LOC400499: variants seen among roughly 807,000 people sequenced by gnomAD.
At chr16:11,432,997 C>T in the LOC400499 span, among the ~76,000 whole-genome samples, 1 of 152,126 alleles carries the variant, frequency 6.6e-6, no homozygotes, top group Non-Finnish European at 1.5e-5. Flanking sequence ...AAATCTAGAA[C>T]AAGGGTTGGA....
At chr16:11,464,260 G>A in the LOC400499 span, among the ~76,000 whole-genome samples, 1 of 152,162 alleles carries the variant, frequency 6.6e-6, no homozygotes, top group African/African-American at 2.4e-5. Flanking sequence ...ACAGATGCTC[G>A]CTCTCCACTC....
chr16:11,395,601 G>A, the LOC400499 span, among the ~76,000 whole-genome samples: 1 of 152,230 alleles, frequency 6.6e-6, no homozygotes, highest in Non-Finnish European at 1.5e-5. Context: ...CGGATGCCGG[G>A]AAGGGAGGGA....
At chr16:11,384,734 T>C in the LOC400499 span, among the ~76,000 whole-genome samples, 1 of 152,236 alleles carries the variant, frequency 6.6e-6, no homozygotes, top group Admixed American at 6.5e-5. Context: ...TGAGGCTAGA[T>C]GAGGAGTTGA....
At chr16:11,422,923 T>A in the LOC400499 span, among the ~76,000 whole-genome samples, 1 of 152,110 alleles carries the variant, frequency 6.6e-6, no homozygotes, top group African/African-American at 2.4e-5. Context: ...TCCTGATTGA[T>A]GTTTACCTGT....
chr16:11,512,736 G>A, the LOC400499 span, among the ~76,000 whole-genome samples: 50 of 152,208 alleles, frequency 3.3e-4, no homozygotes, highest in East Asian at 9.3e-3. Context: ...TAATAAAGCT[G>A]TTAAAAAGGA....
the LOC400499 span, among the ~76,000 whole-genome samples, chr16:11,455,784 G>C: frequency 1.3e-5 from 2 of 149,806 alleles, no homozygotes; most frequent in African/African-American, 4.9e-5. Flanking sequence ...AAACAACATA[G>C]GCAGATGTGA....
the LOC400499 span, chr16:11,396,343 A>G: frequency 4.7e-6 from 3 of 632,832 alleles, no homozygotes; most frequent in African/African-American, 5.7e-5. Context: ...CGTTCCCCCG[A>G]CCCAGAATGA....
chr16:11,493,530 G>A, the LOC400499 span: 6 of 389,854 alleles, frequency 1.5e-5, no homozygotes, highest in South Asian at 1.4e-4. Context: ...GCCCACAGTA[G>A]GTGCTCATTA....
chr16:11,410,589 C>G, the LOC400499 span, among the ~76,000 whole-genome samples: 1 of 152,242 alleles, frequency 6.6e-6, no homozygotes, highest in South Asian at 2.1e-4. Context: ...GCTCTGTAGA[C>G]AAAGGTGGCC....
At chr16:11,521,689 C>A in the LOC400499 span, among the ~76,000 whole-genome samples, 2 of 152,156 alleles carry the variant, frequency 1.3e-5, no homozygotes. Flanking sequence ...CTTCTCACTC[C>A]ACGAACTCCC....
chr16:11,420,783 G>C, the LOC400499 span, among the ~76,000 whole-genome samples: 1 of 152,110 alleles, frequency 6.6e-6, no homozygotes, highest in Non-Finnish European at 1.5e-5. Flanking sequence ...GCTGAGAAAC[G>C]CAGCATCTCA....
the LOC400499 span, chr16:11,491,656 C>T: frequency 2.7e-6 from 1 of 368,584 alleles, no homozygotes; most frequent in Middle Eastern, 7.0e-4. Context: ...CCCTCCCAGC[C>T]CCACCCCTGC....
At chr16:11,379,846 T>C in the LOC400499 span, among the ~76,000 whole-genome samples, 1 of 152,258 alleles carries the variant, frequency 6.6e-6, no homozygotes, top group Admixed American at 6.5e-5. Context: ...CCATGGGGAT[T>C]ACACGAAACA....
the LOC400499 span, among the ~76,000 whole-genome samples, chr16:11,388,023 G>A: frequency 2.0e-5 from 3 of 152,294 alleles, no homozygotes; most frequent in African/African-American, 7.2e-5. Context: ...TCAGGGGGAT[G>A]TCAGCTCACA....
chr16:11,423,543 G>A, the LOC400499 span, among the ~76,000 whole-genome samples: 6 of 152,230 alleles, frequency 3.9e-5, no homozygotes, highest in Admixed American at 1.3e-4. Context: ...ACTGAGTCAC[G>A]CAAGTCAGGG....
At chr16:11,385,364 T>TA in the LOC400499 span, 1 of 1,232,220 alleles carries the variant, frequency 8.1e-7, no homozygotes, top group Non-Finnish European at 1.0e-6. Flanking sequence ...TGAGGTCCCA[T>TA]ACCCGGCCGT....
At chr16:11,409,189 T>G in the LOC400499 span, among the ~76,000 whole-genome samples, 1 of 151,646 alleles carries the variant, frequency 6.6e-6, no homozygotes, top group Non-Finnish European at 1.5e-5. Flanking sequence ...TAAGCCCAGG[T>G]GGCGGAGGTT....
the LOC400499 span, chr16:11,462,133 G>A: frequency 6.6e-7 from 1 of 1,512,936 alleles, no homozygotes; most frequent in Admixed American, 2.1e-5. Flanking sequence ...CGTTGGCCTG[G>A]TCACTCAGCA....
chr16:11,401,749 G>A, the LOC400499 span, among the ~76,000 whole-genome samples: 3 of 152,216 alleles, frequency 2.0e-5, no homozygotes, highest in African/African-American at 7.2e-5. Flanking sequence ...CATTAATAGC[G>A]CCGAGCAGAT....
Sources: gnomAD v4.1 joint callset for allele counts (sites outside exome capture counted in the v4.1 genomes callset) on GRCh38, gnomAD v4.1.1 for gene constraint, MANE v1.5 for transcripts.